The following MYOM2 variants were observed in gnomAD, a reference collection of about 807,000 sequenced individuals.
MYOM2 encodes the protein myomesin-2.
Under a neutral mutation model 187.6 loss-of-function variants are expected in MYOM2, and 254 were observed. That is an observed-to-expected ratio of 1.35 (90% CI 1.22 to 1.50). The LOEUF (loss-of-function observed/expected upper bound fraction) is 1.50. Among genes scored for constraint, MYOM2 ranks in the 40% most tolerant of loss-of-function variants. The pLI, the probability that MYOM2 is intolerant of heterozygous loss-of-function variation, is 0.00. For synonymous variants in MYOM2, 981 were observed against 753.8 expected (o/e 1.30, Z -4.94); for missense variants, 2,796 against 1,924.0 (o/e 1.45, Z -8.48).
intron 32 of MYOM2, among the ~76,000 whole-genome samples, chr8:2,140,070 A>T (rs185718105): frequency 7.6e-4 from 116 of 151,748 alleles, no homozygotes; most frequent in African/African-American, 2.8e-3. Flanking sequence ...CTCAGTCCCC[A>T]TTCCCCTCCC....
Position 2,069,516 on chromosome 8 carries a change from C to T in MYOM2, c.793+19C>T, listed in dbSNP as rs1819142875. 1 of 1,613,960 alleles carries T rather than the reference C, an allele frequency of 6.2e-7. No individual in the cohort carries two copies. The highest frequency in any genetic ancestry group is 1.3e-5 in the African/African-American group (1 of 74,982). ...ATTGGATGTAAGTGGGTTTTTGTTT[C>T]TTTTCTGTGTGGTGAAATGTTTAGT... On this transcript the variant is annotated intron_variant, in intron 8 of 36. Transcript: ENST00000262113.
At chr8:2,066,266 T>C (rs1010945128) in intron 6 of MYOM2, among the ~76,000 whole-genome samples, 4 of 152,164 alleles carry the variant, frequency 2.6e-5, no homozygotes, top group African/African-American at 9.7e-5. Flanking sequence ...GCTCCCTCCT[T>C]GAGAATCTGA....
rs139774245 is a variant in MYOM2, at chr8:2,070,927, C to T, written c.794-1418C>T. On this transcript the variant is annotated intron_variant, in intron 8 of 36. Coordinates refer to ENST00000262113, the MANE Select transcript of MYOM2 (RefSeq NM_003970.4). ...TGCTGCTCCTGCCCGTCTCCCACAC[C>T]GTCCTGGCATTGGCAGTGGCTTTTT... Among the ~76,000 whole-genome samples the T allele has an allele frequency of 6.5e-4, 99 of 152,184 alleles. 2 individuals are homozygous for T. The highest frequency in any genetic ancestry group is 2.2e-3 in the African/African-American group (93 of 41,556).
rs1000897817 is a variant in MYOM2, at chr8:2,050,681, G to A, written c.-12-74G>A. ...TAACTGGAGTTCATTTTCCCCTTTG[G>A]AATGATGCAGAAATGGCAGAGGCCT... On this transcript the variant is annotated intron_variant, in intron 1 of 36. Coordinates refer to ENST00000262113, the MANE Select transcript of MYOM2 (RefSeq NM_003970.4). 17 of 862,042 alleles carry A rather than the reference G, an allele frequency of 2.0e-5. No individual in the cohort carries two copies. The African/African-American group carries it at 2.0e-4, about 10-fold the overall frequency. 53.4% of individuals were successfully genotyped at this position (862,042 alleles called of 1,614,324 possible). A position where few individuals can be genotyped will look rare whatever the true frequency, so the allele number is the denominator to read the frequency against.
chr8:2,078,571 CTAA>C (rs1819512325), intron 11 of MYOM2, among the ~76,000 whole-genome samples, 160 bp from the exon 12 acceptor site: 1 of 152,074 alleles, frequency 6.6e-6, no homozygotes, highest in African/African-American at 2.4e-5. Context: ...GCTCTGTCTT[CTAA>C]TGTTTATCTA....
chr8:2,085,647 C>T (rs555450678), intron 14 of MYOM2, among the ~76,000 whole-genome samples: 1 of 7,428 alleles, frequency 1.3e-4, no homozygotes, highest in Non-Finnish European at 2.0e-4. Context: ...CTTTGTGGCC[C>T]CCCACTGTCG....
chr8:2,117,803 G>C, intron 27 of MYOM2, 82 bp from the exon 28 acceptor site: 1 of 848,064 alleles, frequency 1.2e-6, no homozygotes, highest in Non-Finnish European at 1.9e-6. Context: ...ATATATGTGT[G>C]GGTATATATA....
intron 19 of MYOM2, chr8:2,100,453 G>A (rs1298057369): frequency 1.7e-5 from 3 of 177,160 alleles, no homozygotes; most frequent in Admixed American, 5.6e-5. Flanking sequence ...CAGAGTTGCC[G>A]CGGGTGTTCG....
At chr8:2,052,039 G>C (rs925998313) in intron 2 of MYOM2, 119 bp from the exon 3 acceptor site, 2 of 1,236,348 alleles carry the variant, frequency 1.6e-6, no homozygotes, top group African/African-American at 3.0e-5. Context: ...GTGTGTGTTT[G>C]TGTGTGCTCT....
chr8:2,124,683 T>C (rs28645479), intron 31 of MYOM2, among the ~76,000 whole-genome samples: 32,602 of 151,996 alleles, frequency 0.21, 3,696 homozygotes, highest in East Asian at 0.42. Flanking sequence ...CCACACTCTT[T>C]TCTATAGTGG....
rs1206696759 is a variant in MYOM2, at chr8:2,098,955, G to A, written c.2412G>A (p.Lys804=). The part of the protein sequence containing the change: ...GEPSDPSEHF[K]CEAWTMPEPG... ...CCTCAGATCCCAGTGAGCACTTCAA[G>A]TGTGAGGCCTGGACCATGCCGGAGC... The change falls in exon 19 of 37, where the codon AAG becomes AAA. Residue 804 remains lysine, a synonymous_variant. Coordinates refer to ENST00000262113, the MANE Select transcript of MYOM2 (RefSeq NM_003970.4). 6.2e-7 allele frequency: 1 copy of A among 1,613,490 alleles called. No homozygotes were observed. The highest frequency in any genetic ancestry group is 8.5e-7 in the Non-Finnish European group (1 of 1,179,790).
At position 2,090,130 on chromosome 8, in the gene MYOM2, C is replaced by G. The variant is rs780649666; in HGVS notation, c.1767C>G (p.Asn589Lys). The G allele has an allele frequency of 6.2e-7, 1 of 1,614,102 alleles. No homozygotes were observed. The highest frequency in any genetic ancestry group is 8.5e-7 in the Non-Finnish European group (1 of 1,180,016). Residue 589 changes from asparagine (N) to lysine (K), a missense_variant, in exon 15 of 37, where the codon AAC becomes AAG. By Grantham distance (94) the Asn-to-Lys change is moderately conservative (BLOSUM62 0). Transcript: ENST00000262113. ...KSYVFRVLSANRHGLSEPSEI... is the reference protein window; with the variant it reads ...KSYVFRVLSAKRHGLSEPSEI... ...ATGTGTTCCGAGTGCTGTCAGCAAA[C>G]CGGCATGGCCTGAGCGAACCTTCGG... is the stretch of plus-strand genomic sequence containing the variant.
chr8:2,109,574 A>C, intron 25 of MYOM2, 43 bp downstream of exon 25: 1 of 1,571,878 alleles, frequency 6.4e-7, no homozygotes, highest in Non-Finnish European at 8.6e-7. Flanking sequence ...CAGGGAGTCC[A>C]CTTTTGTTGT....
chr8:2,120,246 TG>T (rs1330955944), intron 28 of MYOM2, among the ~76,000 whole-genome samples: 1 of 152,022 alleles, frequency 6.6e-6, no homozygotes, highest in Non-Finnish European at 1.5e-5. Flanking sequence ...ATAGGAACTT[TG>T]GGTCTTGTTT....
chr8:2,117,005 C>G (rs552375330), intron 27 of MYOM2, among the ~76,000 whole-genome samples: 3 of 152,184 alleles, frequency 2.0e-5, no homozygotes, highest in Non-Finnish European at 4.4e-5. Context: ...CCTCGTGATC[C>G]GCCCGCCTTG....
At chr8:2,144,041 C>G (rs900956517) in intron 36 of MYOM2, among the ~76,000 whole-genome samples, 1 of 152,184 alleles carries the variant, frequency 6.6e-6, no homozygotes, top group Non-Finnish European at 1.5e-5. Context: ...GTCACAGGGA[C>G]AGAGATACTT....
intron 32 of MYOM2, among the ~76,000 whole-genome samples, chr8:2,136,396 A>T (rs1433632982): frequency 6.6e-6 from 1 of 152,196 alleles, no homozygotes; most frequent in Non-Finnish European, 1.5e-5. Context: ...GAAGTGCACC[A>T]AGTGGGCCAG....
intron 30 of MYOM2, among the ~76,000 whole-genome samples, 182 bp downstream of exon 30, chr8:2,123,824 G>C (rs1318062668): frequency 6.6e-6 from 1 of 152,186 alleles, no homozygotes. Flanking sequence ...CAGTGTTTTA[G>C]AATAATGTAT....
At chr8:2,140,289 G>A (rs924471518) in intron 32 of MYOM2, among the ~76,000 whole-genome samples, 7 of 151,042 alleles carry the variant, frequency 4.6e-5, no homozygotes, top group African/African-American at 1.5e-4. Context: ...ACCAATGGAC[G>A]CTTGGGCTGC....
Sources: gnomAD v4.1 joint callset for allele counts (sites outside exome capture counted in the v4.1 genomes callset) on GRCh38, gnomAD v4.1.1 for gene constraint, MANE v1.5 for transcripts, NCBI Gene and HGNC (gene_info 2026-07-23, HGNC 2026-07-21) for gene names.